Variants in CDKAL1 observed in about 807,000 individuals in gnomAD.
CDKAL1 encodes CDKAL1 threonylcarbamoyladenosine tRNA methylthiotransferase.
Under a neutral mutation model 68.2 loss-of-function variants are expected in CDKAL1, and 32 were observed. The ratio of observed to expected loss-of-function variants is 0.47; its 90% CI spans 0.35 to 0.63. CDKAL1 has a LOEUF of 0.63. CDKAL1 is among the 30% of genes least tolerant of loss of function. The pLI is 0.00. For missense variants in CDKAL1, 606 were observed against 696.7 expected (o/e 0.87, Z 1.47); for synonymous variants, 234 against 244.3 (o/e 0.96, Z 0.39).
intron 8 of CDKAL1, among the ~76,000 whole-genome samples, chr6:20,835,498 T>G (rs943504372): frequency 2.0e-5 from 3 of 151,464 alleles, no homozygotes; most frequent in African/African-American, 7.3e-5. Context: ...TGTCTTGTCT[T>G]GTCTTGTCTT....
At chr6:21,031,097 G>A (rs575305857) in intron 11 of CDKAL1, among the ~76,000 whole-genome samples, 37 of 152,144 alleles carry the variant, frequency 2.4e-4, no homozygotes, top group African/African-American at 7.9e-4. Flanking sequence ...GGTATTGGTC[G>A]GGGCTGTGCT....
chr6:20,919,122 A>G (rs576239761), intron 9 of CDKAL1, among the ~76,000 whole-genome samples: 1 of 152,332 alleles, frequency 6.6e-6, no homozygotes, highest in South Asian at 2.1e-4. Context: ...GGACAGAATT[A>G]GCCAGGATGT....
chr6:20,662,136 C>T (rs1259180757), intron 5 of CDKAL1, among the ~76,000 whole-genome samples: 1 of 151,954 alleles, frequency 6.6e-6, no homozygotes, highest in Non-Finnish European at 1.5e-5. Flanking sequence ...CTAAGAGTGA[C>T]AAACATAATC....
At chr6:20,545,132 G>C (rs1360432459) in intron 2 of CDKAL1, among the ~76,000 whole-genome samples, 1 of 151,874 alleles carries the variant, frequency 6.6e-6, no homozygotes, top group Non-Finnish European at 1.5e-5. Context: ...ATTTCTGATT[G>C]CTGGGATCTT....
chr6:21,108,137 T>G (rs1773939624), intron 12 of CDKAL1, among the ~76,000 whole-genome samples: 1 of 152,228 alleles, frequency 6.6e-6, no homozygotes, highest in Non-Finnish European at 1.5e-5. Context: ...CAGTTTTTGA[T>G]GATGATTAGT....
intron 9 of CDKAL1, among the ~76,000 whole-genome samples, chr6:20,918,259 A>C (rs1762803631): frequency 6.6e-6 from 1 of 152,248 alleles, no homozygotes; most frequent in Admixed American, 6.5e-5. Flanking sequence ...AGCTAACAGA[A>C]TTGTAAGCAA....
intron 5 of CDKAL1, among the ~76,000 whole-genome samples, chr6:20,729,533 A>G (rs563982665): frequency 2.0e-5 from 3 of 152,334 alleles, no homozygotes; most frequent in East Asian, 3.9e-4. Context: ...TTTCCTTGTC[A>G]GCACTTGTAG....
At chr6:20,728,042 C>T (rs994287577) in intron 5 of CDKAL1, among the ~76,000 whole-genome samples, 1 of 152,042 alleles carries the variant, frequency 6.6e-6, no homozygotes, top group Non-Finnish European at 1.5e-5. Flanking sequence ...CTTTTCTGTT[C>T]TTTGCTTTTG....
chr6:20,594,718 CATT>C (rs1765744846), intron 4 of CDKAL1, among the ~76,000 whole-genome samples: 1 of 152,112 alleles, frequency 6.6e-6, no homozygotes, highest in African/African-American at 2.4e-5. Flanking sequence ...TTGATCCTGT[CATT>C]ATGATGCTAG....
intron 12 of CDKAL1, among the ~76,000 whole-genome samples, chr6:21,087,533 G>A (rs577023180): frequency 2.4e-3 from 369 of 152,224 alleles, no homozygotes; most frequent in African/African-American, 8.4e-3. Flanking sequence ...GGGTGTACAA[G>A]CTAGGACACC....
chr6:21,099,123 G>A (rs775000901), intron 12 of CDKAL1, among the ~76,000 whole-genome samples: 2 of 152,020 alleles, frequency 1.3e-5, no homozygotes, highest in Non-Finnish European at 2.9e-5. Flanking sequence ...AGAATATCTG[G>A]CACTGGAACC....
At chr6:20,893,441 A>G (rs1360668125) in intron 9 of CDKAL1, among the ~76,000 whole-genome samples, 5 of 152,330 alleles carry the variant, frequency 3.3e-5, no homozygotes, top group Non-Finnish European at 2.9e-5. Flanking sequence ...AGTAAGGGAT[A>G]TATGTGTAGA....
chr6:20,781,436 C>T (rs1449820709), intron 8 of CDKAL1, among the ~76,000 whole-genome samples, 171 bp downstream of exon 8: 1 of 152,108 alleles, frequency 6.6e-6, no homozygotes, highest in African/African-American at 2.4e-5. Flanking sequence ...ATGTAAACTA[C>T]ACTTATATTT....
chr6:20,595,620 G>A (rs1256263999), intron 4 of CDKAL1, among the ~76,000 whole-genome samples: 1 of 151,992 alleles, frequency 6.6e-6, no homozygotes, highest in Non-Finnish European at 1.5e-5. Context: ...GTTAGAACAT[G>A]CTCCTTTAGC....
chr6:20,979,957 A>G (rs1766030746), intron 10 of CDKAL1, among the ~76,000 whole-genome samples: 1 of 151,550 alleles, frequency 6.6e-6, no homozygotes, highest in Non-Finnish European at 1.5e-5. Flanking sequence ...TTTTTAGTAG[A>G]GATGGGGTTT....
chr6:20,686,995 T>G (rs922075777), intron 5 of CDKAL1, among the ~76,000 whole-genome samples: 7 of 152,220 alleles, frequency 4.6e-5, no homozygotes, highest in African/African-American at 1.7e-4. Context: ...ATGAATTACA[T>G]TAATTGATTT....
chr6:20,706,377 A>T (rs568244017), intron 5 of CDKAL1, among the ~76,000 whole-genome samples: 1 of 152,260 alleles, frequency 6.6e-6, no homozygotes, highest in South Asian at 2.1e-4. Flanking sequence ...CTTCCCGCCA[A>T]CCCTTTGGTG....
intron 8 of CDKAL1, among the ~76,000 whole-genome samples, chr6:20,810,660 G>C (rs543699450): frequency 2.0e-4 from 22 of 107,456 alleles, no homozygotes; most frequent in Admixed American, 3.7e-4. Flanking sequence ...GTGTGTGTGT[G>C]TGTGTAATAT....
At chr6:20,793,068 T>C (rs560061681) in intron 8 of CDKAL1, among the ~76,000 whole-genome samples, 1 of 152,292 alleles carries the variant, frequency 6.6e-6, no homozygotes, top group African/African-American at 2.4e-5. Flanking sequence ...TTTGGTAATT[T>C]GCCACTATTG....
Sources: gnomAD v4.1 joint callset for allele counts (sites outside exome capture counted in the v4.1 genomes callset) on GRCh38, gnomAD v4.1.1 for gene constraint, MANE v1.5 for transcripts, NCBI Gene and HGNC (gene_info 2026-07-23, HGNC 2026-07-21) for gene names.